The following SF3A1 variants were observed in gnomAD, a reference collection of about 807,000 sequenced individuals.
SF3A1 encodes SAP 114.
In SF3A1, 13 loss-of-function variants were observed where a neutral mutation model predicts 89.9. The ratio of observed to expected loss-of-function variants is 0.14; its 90% CI spans 0.09 to 0.23. SF3A1 has a LOEUF of 0.23. Ranked by LOEUF, SF3A1 falls within the 10% of genes least tolerant of loss-of-function variation. The probability of loss-of-function intolerance (pLI) is 1.00; values close to 1 mark genes in which losing one functional copy is unlikely to be tolerated. For synonymous variants in SF3A1, 405 were observed against 374.4 expected (o/e 1.08, Z -0.94); for missense variants, 604 against 1,022.1 (o/e 0.59, Z 5.58).
At position 30,332,920 on chromosome 22, in the gene SF3A1, C is replaced by T. The variant is rs944593030; in HGVS notation, c.*1674G>A. The T allele has an allele frequency of 6.6e-6, 1 of 152,272 alleles. No individual in the cohort carries two copies. Among genetic ancestry groups the T allele is most frequent in the African/African-American group, 2.4e-5 (1 of 41,458 alleles). The allele number at this position is 152,272 out of a possible 1,614,324, so 9.4% of individuals were successfully genotyped here. A position where few individuals can be genotyped will look rare whatever the true frequency, so the allele number is the denominator to read the frequency against. The stretch of plus-strand genomic sequence containing the variant: ...AACACCATGAACTGCCCACTGCTCC[C>T]AGAAAGAAAGAAGAACTTGGAATAT... On this transcript the variant is annotated 3_prime_UTR_variant, in exon 16 of 16. Coordinates refer to ENST00000215793, the MANE Select transcript of SF3A1 (RefSeq NM_005877.6).
chr22:30,342,508 G>A, intron 5 of SF3A1, 158 bp from the exon 6 acceptor site: 1 of 792,192 alleles, frequency 1.3e-6, no homozygotes, highest in Admixed American at 2.8e-5. Flanking sequence ...CCACCCAGGT[G>A]CAGAGTTGGG....
At position 30,332,853 on chromosome 22, in the gene SF3A1, G is replaced by C. The variant is rs527652149; in HGVS notation, c.*1741C>G. On this transcript the variant is annotated 3_prime_UTR_variant, in exon 16 of 16. Coordinates refer to ENST00000215793, the MANE Select transcript of SF3A1 (RefSeq NM_005877.6). ...GCCTCCGGTCACAGCCTCAGCCACG[G>C]AAGTCCTGCAGGGTTTGCCAGTCTG... The C allele has an allele frequency of 1.3e-5, 2 of 152,394 alleles. No homozygotes were observed. The highest frequency in any genetic ancestry group is 4.8e-5 in the African/African-American group (2 of 41,580). 9.4% of individuals were successfully genotyped at this position (152,394 alleles called of 1,614,324 possible).
intron 9 of SF3A1, 150 bp from the exon 10 acceptor site, chr22:30,339,401 G>C: frequency 1.0e-6 from 1 of 969,388 alleles, no homozygotes; most frequent in South Asian, 1.6e-5. Context: ...TCTGGGCTCG[G>C]GGAAAGCTGC....
At chr22:30,354,399 C>T (rs1601702665) in intron 1 of SF3A1, among the ~76,000 whole-genome samples, 1 of 152,110 alleles carries the variant, frequency 6.6e-6, no homozygotes, top group Non-Finnish European at 1.5e-5. Context: ...CTTCACAAAA[C>T]TCTCAACTCC....
At chr22:30,348,074 C>A (rs76756237) in intron 2 of SF3A1, among the ~76,000 whole-genome samples, 1 of 152,184 alleles carries the variant, frequency 6.6e-6, no homozygotes, top group African/African-American at 2.4e-5. Context: ...CAAACTCCTG[C>A]GCTTAAGCGC....
At chr22:30,354,697 T>C (rs1022484785) in intron 1 of SF3A1, among the ~76,000 whole-genome samples, 1 of 152,214 alleles carries the variant, frequency 6.6e-6, no homozygotes, top group African/African-American at 2.4e-5. Context: ...CAGGAATAGC[T>C]ACCCAGTCAC....
At chr22:30,347,617 C>T (rs1445339350) in intron 2 of SF3A1, among the ~76,000 whole-genome samples, 5 of 152,152 alleles carry the variant, frequency 3.3e-5, no homozygotes, top group Non-Finnish European at 7.3e-5. Flanking sequence ...AATGTCCCAA[C>T]AGTAATATTC....
chr22:30,356,679 A>C, intron 1 of SF3A1, 51 bp downstream of exon 1: 1 of 1,353,016 alleles, frequency 7.4e-7, no homozygotes, highest in Non-Finnish European at 9.9e-7. Context: ...GCGAGTAAGG[A>C]GCGCCCAGGC....
chr22:30,335,094 G>A (rs1931025959), intron 15 of SF3A1, among the ~76,000 whole-genome samples: 1 of 152,162 alleles, frequency 6.6e-6, no homozygotes, highest in African/African-American at 2.4e-5. Context: ...ATGTGACCTG[G>A]CATCAGGCGG....
intron 1 of SF3A1, 40 bp from the exon 2 acceptor site, chr22:30,353,112 G>C (rs772195897): frequency 6.2e-7 from 1 of 1,607,852 alleles, no homozygotes; most frequent in Non-Finnish European, 8.5e-7. Flanking sequence ...TAAAGTCCCT[G>C]GTTCAGAGCA....
chr22:30,334,639 T>C lies in SF3A1; in HGVS notation c.2337A>G (p.Ala779=). The C allele has an allele frequency of 6.3e-7, 1 of 1,585,398 alleles. No homozygotes were observed. Among genetic ancestry groups the C allele is most frequent in the South Asian group, 1.2e-5 (1 of 86,702 alleles). Residue 779 remains alanine, a synonymous_variant, in exon 16 of 16, where the codon GCA becomes GCG. Coordinates refer to ENST00000215793, the MANE Select transcript of SF3A1 (RefSeq NM_005877.6). ...SLAYYNMANG[A]VIHLALKERG... ...TCTCCTTGAGGGCCAGGTGGATGAC[T>C]GCGCCATTGGCCATGTTGTAGTAAG...
chr22:30,344,868 G>A, intron 4 of SF3A1, 65 bp downstream of exon 4: 1 of 1,565,798 alleles, frequency 6.4e-7, no homozygotes, highest in Non-Finnish European at 8.7e-7. Flanking sequence ...TGGACACAGT[G>A]CTTCCAAGCA....
intron 2 of SF3A1, chr22:30,352,458 T>C (rs1402417535): frequency 6.5e-6 from 1 of 153,832 alleles, no homozygotes; most frequent in Non-Finnish European, 1.4e-5. Flanking sequence ...GCAATGCCCA[T>C]GCCATCTGAG....
chr22:30,356,444 T>C (rs761076486), intron 1 of SF3A1, among the ~76,000 whole-genome samples: 32 of 152,216 alleles, frequency 2.1e-4, no homozygotes, highest in Non-Finnish European at 4.4e-4. Context: ...CCTTAGGATT[T>C]TGTTCAAATG....
chr22:30,335,459 T>A lies in SF3A1; in HGVS notation c.2280+8A>T. 1 of 1,613,252 alleles carries A rather than the reference T, an allele frequency of 6.2e-7. No individual in the cohort carries two copies. The highest frequency in any genetic ancestry group is 1.3e-5 in the African/African-American group (1 of 75,038). On this transcript the variant is annotated splice_region_variant and intron_variant, in intron 15 of 15. Coordinates refer to ENST00000215793, the MANE Select transcript of SF3A1 (RefSeq NM_005877.6). ...CCAAGGGACAGGTCTGTGGACAAAC[T>A]GACTCACCTCATACTGTAGCTTCTG... is the stretch of plus-strand genomic sequence containing the variant.
intron 11 of SF3A1, among the ~76,000 whole-genome samples, chr22:30,338,522 C>T (rs1931148421): frequency 6.6e-6 from 1 of 152,000 alleles, no homozygotes; most frequent in African/African-American, 2.4e-5. Flanking sequence ...GCCAACAGTC[C>T]TCAAAGACCC....
At position 30,345,335 on chromosome 22, in the gene SF3A1, C is replaced by G. The variant is rs541411540; in HGVS notation, c.394-145G>C. The G allele has an allele frequency of 1.6e-4, 116 of 735,564 alleles. 2 individuals are homozygous for G. In the South Asian group the frequency reaches 2.0e-3, roughly 13 times the overall value. The allele number at this position is 735,564 out of a possible 1,614,324, so 45.6% of individuals were successfully genotyped here. ...GTTAATTATGCACACACCACTAGCA[C>G]TTGGTGTGAGAGAATTCTAAATCAC... On this transcript the variant is annotated intron_variant, in intron 3 of 15. Coordinates refer to ENST00000215793, the MANE Select transcript of SF3A1 (RefSeq NM_005877.6).
Position 30,334,369 on chromosome 22 carries a change from CAA to C in SF3A1, c.*223_*224del, listed in dbSNP as rs1475739165. On this transcript the variant is annotated 3_prime_UTR_variant, in exon 16 of 16. Transcript: ENST00000215793. The stretch of plus-strand genomic sequence containing the variant: ...ATGTCCTCAAATCGAGACCCTAACA[CAA>C]AGAGATTCCAGAGAGTGGCTTAGAA... The C allele has an allele frequency of 1.2e-5, 5 of 425,416 alleles. No homozygotes were observed. The highest frequency in any genetic ancestry group is 2.1e-5 in the African/African-American group (1 of 47,430). The allele number at this position is 425,416 out of a possible 1,614,324, so 26.4% of individuals were successfully genotyped here.
At chr22:30,354,385 A>C (rs1931695057) in intron 1 of SF3A1, among the ~76,000 whole-genome samples, 1 of 151,720 alleles carries the variant, frequency 6.6e-6, no homozygotes, top group South Asian at 2.1e-4. Context: ...AATGGTGACC[A>C]CTCCTTCACA....
Sources: allele counts gnomAD v4.1 joint callset (sites outside exome capture counted in the v4.1 genomes callset), GRCh38; gene constraint gnomAD v4.1.1; transcripts MANE v1.5; gene names NCBI Gene and HGNC (gene_info 2026-07-23, HGNC 2026-07-21).